The following CNGB3 variants were observed in gnomAD, a reference collection of about 807,000 sequenced individuals.
CNGB3 encodes cyclic nucleotide-gated channel beta-3.
CNGB3 carries 86 observed loss-of-function variants against 92.8 expected under a neutral mutation model. That is an observed-to-expected ratio of 0.93 (90% CI 0.78 to 1.11). CNGB3 has a LOEUF of 1.11. Ranked by LOEUF, CNGB3 falls within the 50% of genes least tolerant of loss-of-function variation. The probability of loss-of-function intolerance (pLI) is 0.00; values close to 1 mark genes in which losing one functional copy is unlikely to be tolerated. For synonymous variants in CNGB3, 333 were observed against 332.7 expected, an observed-to-expected ratio of 1.00 and a Z score of -0.01; for missense variants, 1,026 against 956.8, an observed-to-expected ratio of 1.07 and a Z score of -0.95.
Position 86,579,145 on chromosome 8 carries a change from T to G in CNGB3, c.1889A>C (p.His630Pro), listed in dbSNP as rs868194989. The G allele has an allele frequency of 5.0e-6, 8 of 1,614,150 alleles. No homozygotes were observed. Among genetic ancestry groups the G allele is most frequent in the Middle Eastern group, 3.3e-4 (2 of 6,062 alleles). ...GAGGATCCTTTCAGAATCTGGATAA[T>G]GCACTAGAATTTCTTGGAGGGTCTT... Reference protein sequence around the residue: ...DKKTLQEILVHYPDSERILMK... With the variant: ...DKKTLQEILVPYPDSERILMK... Residue 630 changes from histidine (H) to proline (P), a missense_variant, in exon 16 of 18, where the codon CAT (histidine) becomes CCT (proline). By Grantham distance (77) the His-to-Pro change is moderately conservative. Coordinates refer to ENST00000320005, the MANE Select transcript of CNGB3 (RefSeq NM_019098.5).
Position 86,599,916 on chromosome 8 carries a change from C to T in CNGB3, c.1781+4177G>A, listed in dbSNP as rs149884459. The stretch of plus-strand genomic sequence containing the variant: ...AAGCATGTGATCTCTGTGACCCACA[C>T]CCTGTTCATACACTCCCTCCCCTTT... On this transcript the variant is annotated intron_variant, in intron 15 of 17. Transcript: ENST00000320005. Among the ~76,000 whole-genome samples the T allele has an allele frequency of 3.5e-4, 53 of 152,256 alleles. No individual in the cohort carries two copies. The East Asian group carries it at 0.01, about 29-fold the overall frequency.
At chr8:86,638,949 C>T (rs1823127023) in intron 10 of CNGB3, among the ~76,000 whole-genome samples, 1 of 151,496 alleles carries the variant, frequency 6.6e-6, no homozygotes, top group South Asian at 2.1e-4. Context: ...CCTCCCTTTC[C>T]TTCTCTCTCT....
At chr8:86,620,750 T>A (rs1174675049) in intron 13 of CNGB3, among the ~76,000 whole-genome samples, 1 of 152,188 alleles carries the variant, frequency 6.6e-6, no homozygotes, top group Non-Finnish European at 1.5e-5. Flanking sequence ...CAGTCAGGTA[T>A]AAATTATGAG....
intron 3 of CNGB3, among the ~76,000 whole-genome samples, chr8:86,674,772 A>G (rs1260133387): frequency 6.6e-6 from 1 of 152,054 alleles, no homozygotes; most frequent in African/African-American, 2.4e-5. Context: ...TGTGTGTGTG[A>G]GATAGGGTCT....
At chr8:86,718,546 A>C (rs1287665164) in intron 3 of CNGB3, among the ~76,000 whole-genome samples, 1 of 152,172 alleles carries the variant, frequency 6.6e-6, no homozygotes, top group African/African-American at 2.4e-5. Context: ...AAGAAAAAAA[A>C]GTCCAGGATC....
chr8:86,706,212 T>C (rs2131652728), intron 3 of CNGB3, among the ~76,000 whole-genome samples: 1 of 152,276 alleles, frequency 6.6e-6, no homozygotes, highest in South Asian at 2.1e-4. Context: ...AAGAACAGAT[T>C]GATGATTGAG....
intron 3 of CNGB3, among the ~76,000 whole-genome samples, chr8:86,716,746 A>G (rs1293250304): frequency 6.6e-6 from 1 of 152,166 alleles, no homozygotes; most frequent in Non-Finnish European, 1.5e-5. Context: ...TAAAACCTCA[A>G]CATACACCAA....
At chr8:86,666,046 G>A (rs114274261) in intron 6 of CNGB3, among the ~76,000 whole-genome samples, 145 of 152,308 alleles carry the variant, frequency 9.5e-4, no homozygotes, top group African/African-American at 3.2e-3. Context: ...GGCACAGTCC[G>A]TGTCCTAAAA....
intron 3 of CNGB3, among the ~76,000 whole-genome samples, chr8:86,675,931 C>T (rs1411689316): frequency 6.6e-6 from 1 of 152,116 alleles, no homozygotes; most frequent in East Asian, 1.9e-4. Context: ...CCCTCTAGGG[C>T]AATGCTAGTA....
intron 13 of CNGB3, among the ~76,000 whole-genome samples, chr8:86,623,097 G>A (rs186965222): frequency 1.5e-4 from 23 of 152,162 alleles, no homozygotes; most frequent in Non-Finnish European, 2.6e-4. Context: ...ATATCCTTCT[G>A]TCTGGATTAC....
rs148066336 is a variant in CNGB3, at chr8:86,575,202, G to C, written c.*602C>G. On this transcript the variant is annotated 3_prime_UTR_variant, in exon 18 of 18. Transcript: ENST00000320005. ...TTCTGCCGACCAACATTGGTCTTCAGGGGACTGTTCCAAAAATCAGACTTC... is the reference window on the plus strand; with the variant it reads ...TTCTGCCGACCAACATTGGTCTTCACGGGACTGTTCCAAAAATCAGACTTC... The C allele has an allele frequency of 7.9e-5, 12 of 152,318 alleles. No homozygotes were observed. The highest frequency in any genetic ancestry group is 7.8e-4 in the Admixed American group (12 of 15,304). 9.4% of individuals were successfully genotyped at this position (152,318 alleles called of 1,614,324 possible).
At chr8:86,704,941 C>T (rs1189199647) in intron 3 of CNGB3, among the ~76,000 whole-genome samples, 1 of 152,016 alleles carries the variant, frequency 6.6e-6, no homozygotes. Context: ...AGGTCTCTTT[C>T]GTTCAGAGGT....
chr8:86,711,271 G>A (rs960453659), intron 3 of CNGB3, among the ~76,000 whole-genome samples: 1 of 152,010 alleles, frequency 6.6e-6, no homozygotes, highest in African/African-American at 2.4e-5. Flanking sequence ...TATCCCCAAT[G>A]TGCTTTATTC....
At chr8:86,653,786 C>T (rs1823449656) in intron 7 of CNGB3, among the ~76,000 whole-genome samples, 1 of 152,068 alleles carries the variant, frequency 6.6e-6, no homozygotes, top group African/African-American at 2.4e-5. Flanking sequence ...CAAATCTGGG[C>T]ACTAACTTAT....
intron 13 of CNGB3, 36 bp from the exon 14 acceptor site, chr8:86,611,707 C>A: frequency 7.2e-7 from 1 of 1,396,282 alleles, no homozygotes; most frequent in Non-Finnish European, 1.0e-6. Context: ...ATAGAAACAA[C>A]TAAAGGCCAA....
intron 3 of CNGB3, among the ~76,000 whole-genome samples, chr8:86,707,108 C>T (rs924408907): frequency 3.3e-5 from 5 of 152,118 alleles, no homozygotes; most frequent in Admixed American, 6.5e-5. Context: ...GAAACATTAT[C>T]TTCCTTCCAA....
intron 13 of CNGB3, among the ~76,000 whole-genome samples, chr8:86,613,254 G>A (rs554636793): frequency 2.8e-4 from 43 of 152,252 alleles, no homozygotes; most frequent in Admixed American, 6.5e-4. Flanking sequence ...TACTATGTCT[G>A]ATAGGTTACC....
intron 3 of CNGB3, among the ~76,000 whole-genome samples, chr8:86,685,908 G>A (rs950899549): frequency 5.3e-5 from 8 of 152,074 alleles, no homozygotes; most frequent in African/African-American, 1.9e-4. Flanking sequence ...TATGTTAGCA[G>A]TATGTGCCAG....
At chr8:86,611,764 A>T (rs1013245104) in intron 13 of CNGB3, 93 bp from the exon 14 acceptor site, 1 of 910,898 alleles carries the variant, frequency 1.1e-6, no homozygotes, top group African/African-American at 1.7e-5. Context: ...AGTAATATAT[A>T]TTGTCTGCAT....
Sources: allele counts gnomAD v4.1 joint callset (sites outside exome capture counted in the v4.1 genomes callset), GRCh38; gene constraint gnomAD v4.1.1; transcripts MANE v1.5; gene names NCBI Gene and HGNC (gene_info 2026-07-23, HGNC 2026-07-21).